The following SYT10 variants were observed in gnomAD, a reference collection of about 807,000 sequenced individuals.
SYT10 encodes the protein synaptotagmin-10.
In SYT10, 31 loss-of-function variants were observed where a neutral mutation model predicts 51.1. The observed-to-expected ratio is 0.61, with a 90% confidence interval of 0.46 to 0.82. The LOEUF is 0.82. Among genes scored for constraint, SYT10 ranks in the 40% least tolerant of loss-of-function variants. The pLI is 0.00. For synonymous variants in SYT10, 233 were observed against 225.9 expected, an observed-to-expected ratio of 1.03 and a Z score of -0.28; for missense variants, 603 against 634.0, an observed-to-expected ratio of 0.95 and a Z score of 0.53.
Position 33,402,349 on chromosome 12 carries a change from T to G in SYT10, c.1077+4440A>C, listed in dbSNP as rs186801149. ...GTCTTAATTTATTTCCTTTTCCTCATGCTGTTTTTTTCTTCAAGAATCATC... is the reference window on the plus strand; with the variant it reads ...GTCTTAATTTATTTCCTTTTCCTCAGGCTGTTTTTTTCTTCAAGAATCATC... On this transcript the variant is annotated intron_variant, in intron 3 of 6. Coordinates refer to ENST00000228567, the MANE Select transcript of SYT10 (RefSeq NM_198992.4). 6.3e-4 allele frequency among the ~76,000 whole-genome samples: 96 copies of G among 152,318 alleles called. 1 individual carries two copies. The East Asian group carries it at 0.01, about 17-fold the overall frequency.
chr12:33,439,539 C>G lies in SYT10; in HGVS notation c.-17G>C, dbSNP rs200239253. The G allele has an allele frequency of 6.2e-7, 1 of 1,610,702 alleles. No individual in the cohort carries two copies. The highest frequency in any genetic ancestry group is 1.3e-5 in the African/African-American group (1 of 74,806). On this transcript the variant is annotated 5_prime_UTR_variant, in exon 1 of 7. Coordinates refer to ENST00000228567, the MANE Select transcript of SYT10 (RefSeq NM_198992.4). ...GAAACTCATCGTTTGGCTTTTCTTT[C>G]GTTTTCTCTTTTTTTCCCAGTTAGC...
At chr12:33,389,485 GA>G (rs1342033477) in intron 3 of SYT10, among the ~76,000 whole-genome samples, 6 of 151,580 alleles carry the variant, frequency 4.0e-5, no homozygotes, top group South Asian at 2.1e-4. Flanking sequence ...AATAATATTT[GA>G]AAAAAAATTT....
Position 33,407,733 on chromosome 12 carries a change from G to C in SYT10, c.510-377C>G, listed in dbSNP as rs115967118. On this transcript the variant is annotated intron_variant, in intron 2 of 6. Transcript: ENST00000228567. ...CCATCCTCTGGCCTCCGCCTCCTGAGTAGCTGGGACTACAGGCATGTGCCA... is the reference window on the plus strand; with the variant it reads ...CCATCCTCTGGCCTCCGCCTCCTGACTAGCTGGGACTACAGGCATGTGCCA... The C allele has an allele frequency of 6.2e-3, 1,073 of 171,852 alleles. 12 individuals are homozygous for C. Among genetic ancestry groups the C allele is most frequent in the African/African-American group, 0.024 (990 of 41,928 alleles). 10.6% of individuals were successfully genotyped at this position (171,852 alleles called of 1,614,324 possible).
In SYT10 at chr12:33,384,907, T is replaced by C. The variant is rs73089909; in HGVS notation, c.1198+264A>G. On this transcript the variant is annotated intron_variant, in intron 4 of 6. Coordinates refer to ENST00000228567, the MANE Select transcript of SYT10 (RefSeq NM_198992.4). ...AGGGGAGTAGATGGTAAATTATGTA[T>C]TTTTGAGACAGTACTAAATTGGTAG... Among the ~76,000 whole-genome samples, 317 of 152,300 alleles carry C rather than the reference T, an allele frequency of 2.1e-3. 1 individual carries two copies. The Middle Eastern group carries it at 0.027, about 13-fold the overall frequency.
At chr12:33,426,062 T>TCACACACACACACA (rs3046353) in intron 2 of SYT10, 76 bp downstream of exon 2, 3 of 1,205,158 alleles carry the variant, frequency 2.5e-6, no homozygotes, top group South Asian at 1.8e-5. Context: ...TTATGAAATT[T>TCACACACACACACA]CACACACACA....
chr12:33,435,569 AC>A (rs1406049042), intron 1 of SYT10, among the ~76,000 whole-genome samples: 1 of 152,194 alleles, frequency 6.6e-6, no homozygotes, highest in Admixed American at 6.5e-5. Context: ...TCTTTTATAG[AC>A]CTACAAGTCT....
At chr12:33,436,061 A>C (rs1866635349) in intron 1 of SYT10, among the ~76,000 whole-genome samples, 1 of 152,218 alleles carries the variant, frequency 6.6e-6, no homozygotes, top group South Asian at 2.1e-4. Context: ...ATGTGAGCTC[A>C]AGTGACTGTG....
chr12:33,396,308 A>G (rs546030833), intron 3 of SYT10, among the ~76,000 whole-genome samples: 3 of 152,334 alleles, frequency 2.0e-5, no homozygotes, highest in Admixed American at 2.0e-4. Context: ...AAATTGGAGC[A>G]GTAAAGAATG....
intron 2 of SYT10, among the ~76,000 whole-genome samples, chr12:33,418,496 A>G (rs1342221699): frequency 6.6e-6 from 1 of 152,202 alleles, no homozygotes; most frequent in Non-Finnish European, 1.5e-5. Context: ...CTGGTTGCCC[A>G]CTGAACTTGT....
In SYT10 at chr12:33,375,271, T is replaced by C. The variant is rs1866052806; in HGVS notation, c.*1559A>G. The C allele has an allele frequency of 6.6e-6, 1 of 152,090 alleles. No homozygotes were observed. The highest frequency in any genetic ancestry group is 2.1e-4 in the South Asian group (1 of 4,834). The allele number at this position is 152,090 out of a possible 1,614,324, so 9.4% of individuals were successfully genotyped here. ...TACCTCTTAATTAACAGTAATGCCA[T>C]CACTATAAGAGATGTCAACAAAATT... On this transcript the variant is annotated 3_prime_UTR_variant, in exon 7 of 7. Coordinates refer to ENST00000228567, the MANE Select transcript of SYT10 (RefSeq NM_198992.4).
intron 2 of SYT10, among the ~76,000 whole-genome samples, chr12:33,410,415 T>C (rs1166477327): frequency 2.0e-5 from 3 of 152,228 alleles, no homozygotes; most frequent in Non-Finnish European, 2.9e-5. Flanking sequence ...CCTCTCTCTA[T>C]GGTCCCCTTT....
chr12:33,434,476 A>G (rs1190950297), intron 1 of SYT10, among the ~76,000 whole-genome samples: 1 of 152,216 alleles, frequency 6.6e-6, no homozygotes, highest in Non-Finnish European at 1.5e-5. Context: ...AAGCTTCTTG[A>G]TAATAAATCC....
At chr12:33,418,312 A>G (rs1330700776) in intron 2 of SYT10, among the ~76,000 whole-genome samples, 2 of 152,034 alleles carry the variant, frequency 1.3e-5, no homozygotes, top group Non-Finnish European at 2.9e-5. Flanking sequence ...TTCTCAGTCC[A>G]CTTGGCTGTT....
chr12:33,417,827 TGACCATG>T (rs1866467861), intron 2 of SYT10, among the ~76,000 whole-genome samples: 1 of 152,168 alleles, frequency 6.6e-6, no homozygotes, highest in South Asian at 2.1e-4. Context: ...TGGCTCTGAT[TGACCATG>T]GAATTGAAAC....
At chr12:33,399,941 G>C (rs775506178) in intron 3 of SYT10, among the ~76,000 whole-genome samples, 18 of 152,142 alleles carry the variant, frequency 1.2e-4, no homozygotes, top group Non-Finnish European at 2.4e-4. Flanking sequence ...TCGCAGAGAT[G>C]AAACAGAAAA....
At chr12:33,421,813 A>G (rs1866507411) in intron 2 of SYT10, among the ~76,000 whole-genome samples, 1 of 152,108 alleles carries the variant, frequency 6.6e-6, no homozygotes, top group African/African-American at 2.4e-5. Flanking sequence ...GAGAAAGTGG[A>G]CTCTCAGATG....
chr12:33,419,120 A>C (rs1490299321), intron 2 of SYT10, among the ~76,000 whole-genome samples: 1 of 152,128 alleles, frequency 6.6e-6, no homozygotes, highest in Non-Finnish European at 1.5e-5. Flanking sequence ...GTCTTTGCAC[A>C]ATTTACCTTC....
intron 2 of SYT10, among the ~76,000 whole-genome samples, 154 bp downstream of exon 2, chr12:33,425,980 TTTAA>T (rs1479763901): frequency 6.6e-6 from 1 of 151,962 alleles, no homozygotes; most frequent in East Asian, 1.9e-4. Context: ...TCTCTCTTTA[TTTAA>T]TTATCTATTT....
At chr12:33,405,118 T>C (rs1026077174) in intron 3 of SYT10, 1 of 152,124 alleles carries the variant, frequency 6.6e-6, no homozygotes, top group African/African-American at 2.4e-5. Context: ...CATAACATAC[T>C]TTACTTTTTT....
Sources: gnomAD v4.1 joint callset for allele counts (sites outside exome capture counted in the v4.1 genomes callset) on GRCh38, gnomAD v4.1.1 for gene constraint, MANE v1.5 for transcripts, NCBI Gene and HGNC (gene_info 2026-07-23, HGNC 2026-07-21) for gene names.